Variants in NALF1 observed in about 807,000 individuals in gnomAD.
The protein encoded by NALF1 is family with sequence similarity 155 member A.
NALF1 carries 3 observed loss-of-function variants against 48.4 expected under a neutral mutation model. The ratio of observed to expected loss-of-function variants is 0.06; its 90% confidence interval spans 0.03 to 0.16. The LOEUF (loss-of-function observed/expected upper bound fraction) is 0.16. Among genes scored for constraint, NALF1 ranks in the 10% least tolerant of loss-of-function variants. The probability of loss-of-function intolerance (pLI) is 1.00; values close to 1 mark genes in which losing one functional copy is unlikely to be tolerated. For missense variants in NALF1, 526 were observed against 571.5 expected (o/e 0.92, Z 0.81); for synonymous variants, 262 against 245.7 (o/e 1.07, Z -0.62).
At chr13:107,661,021 C>T (rs183532881) in intron 1 of NALF1, among the ~76,000 whole-genome samples, 1 of 152,136 alleles carries the variant, frequency 6.6e-6, no homozygotes, top group Non-Finnish European at 1.5e-5. Flanking sequence ...GGGAAAAAAT[C>T]CGTAAGTTGA....
At chr13:107,734,867 C>G (rs1456853057) in intron 1 of NALF1, among the ~76,000 whole-genome samples, 2 of 152,176 alleles carry the variant, frequency 1.3e-5, no homozygotes, top group East Asian at 1.9e-4. Context: ...CAAATGAGTT[C>G]TCTTTTGCTC....
chr13:107,491,428 G>T (rs993799901), intron 1 of NALF1, among the ~76,000 whole-genome samples: 1 of 151,790 alleles, frequency 6.6e-6, no homozygotes, highest in Admixed American at 6.6e-5. Context: ...TAATTGCATG[G>T]TGTTTGGAGA....
At chr13:107,644,592 T>A (rs1310798185) in intron 1 of NALF1, among the ~76,000 whole-genome samples, 4 of 145,930 alleles carry the variant, frequency 2.7e-5, no homozygotes, top group African/African-American at 7.6e-5. Context: ...CAGAAAAAAA[T>A]ACCTTTAAAA....
chr13:107,637,892 G>C (rs1274088520), intron 1 of NALF1, among the ~76,000 whole-genome samples: 1 of 151,968 alleles, frequency 6.6e-6, no homozygotes, highest in African/African-American at 2.4e-5. Context: ...TTCCTTACTT[G>C]TCTAATGTTC....
At chr13:107,249,837 TA>T (rs1338624049) in intron 1 of NALF1, among the ~76,000 whole-genome samples, 1 of 152,168 alleles carries the variant, frequency 6.6e-6, no homozygotes, top group Non-Finnish European at 1.5e-5. Context: ...TTTTGATTTT[TA>T]TGTTGACTAT....
intron 1 of NALF1, among the ~76,000 whole-genome samples, chr13:107,269,049 C>A (rs368918008): frequency 6.6e-6 from 1 of 151,796 alleles, no homozygotes; most frequent in South Asian, 2.1e-4. Flanking sequence ...TGTGGTCCCA[C>A]GTCCTTGGGA....
At chr13:107,835,253 T>A (rs1879855577) in intron 1 of NALF1, 1 of 152,212 alleles carries the variant, frequency 6.6e-6, no homozygotes, top group Non-Finnish European at 1.5e-5. Context: ...TTTTCCTTTC[T>A]TTCCTTAGAT....
At chr13:107,700,861 T>C (rs757272177) in intron 1 of NALF1, among the ~76,000 whole-genome samples, 1 of 152,072 alleles carries the variant, frequency 6.6e-6, no homozygotes, top group Non-Finnish European at 1.5e-5. Flanking sequence ...AAAGGAAACA[T>C]AACAATGTCC....
At chr13:107,472,567 G>A (rs987302449) in intron 1 of NALF1, among the ~76,000 whole-genome samples, 2 of 152,110 alleles carry the variant, frequency 1.3e-5, no homozygotes, top group Admixed American at 6.5e-5. Flanking sequence ...ATAAAAGCAG[G>A]CAGAGGAACA....
chr13:107,226,013 CT>C (rs1462843164), intron 1 of NALF1, among the ~76,000 whole-genome samples: 5 of 151,986 alleles, frequency 3.3e-5, no homozygotes, highest in Non-Finnish European at 5.9e-5. Context: ...ACGTTTCTAA[CT>C]TTTTTTTAGA....
intron 1 of NALF1, among the ~76,000 whole-genome samples, chr13:107,503,023 C>G (rs757073771): frequency 1.3e-5 from 2 of 152,114 alleles, no homozygotes; most frequent in Non-Finnish European, 2.9e-5. Flanking sequence ...CCCACAGGCT[C>G]AATTCTACCA....
intron 1 of NALF1, among the ~76,000 whole-genome samples, chr13:107,637,357 T>C (rs1880007490): frequency 1.3e-5 from 2 of 152,118 alleles, no homozygotes; most frequent in Non-Finnish European, 2.9e-5. Context: ...ATTATATTTC[T>C]CCTATACTTA....
intron 1 of NALF1, among the ~76,000 whole-genome samples, chr13:107,432,209 A>T (rs1234337104): frequency 6.6e-6 from 1 of 152,078 alleles, no homozygotes; most frequent in Non-Finnish European, 1.5e-5. Flanking sequence ...AGTCTCTTAA[A>T]CAACCAGGTC....
At chr13:107,600,384 GA>G (rs1878888117) in intron 1 of NALF1, among the ~76,000 whole-genome samples, 2 of 152,240 alleles carry the variant, frequency 1.3e-5, no homozygotes, top group East Asian at 3.9e-4. Context: ...ATCCCACAAG[GA>G]AAGACGCCAA....
chr13:107,830,790 G>T (rs931133743), intron 1 of NALF1, among the ~76,000 whole-genome samples: 1 of 152,144 alleles, frequency 6.6e-6, no homozygotes, highest in Admixed American at 6.6e-5. Context: ...TGCCACTGAC[G>T]CATGTGTGTG....
At chr13:107,325,397 A>T (rs1450712351) in intron 1 of NALF1, among the ~76,000 whole-genome samples, 1 of 152,190 alleles carries the variant, frequency 6.6e-6, no homozygotes, top group Non-Finnish European at 1.5e-5. Flanking sequence ...GACATTTTAT[A>T]ACCCCTTTTT....
rs556203524 is a variant in NALF1, at chr13:107,250,421, T to A, written c.916-39666A>T. Among the ~76,000 whole-genome samples, 85 of 151,892 alleles carry A rather than the reference T, an allele frequency of 5.6e-4. 1 individual carries two copies. In the Middle Eastern group the frequency reaches 0.014, roughly 24 times the overall value. ...GTGACATGAATTATTAATTTTTTTTTTAAACAAAGGTATTAGAGAAGAGCC... is the reference window on the plus strand; with the variant it reads ...GTGACATGAATTATTAATTTTTTTTATAAACAAAGGTATTAGAGAAGAGCC... On this transcript the variant is annotated intron_variant, in intron 1 of 2. Transcript: ENST00000375915.
At chr13:107,648,952 A>G (rs766359282) in intron 1 of NALF1, among the ~76,000 whole-genome samples, 5 of 152,074 alleles carry the variant, frequency 3.3e-5, no homozygotes, top group Admixed American at 6.6e-5. Flanking sequence ...GTATCTTTTC[A>G]TCTGCTTATT....
intron 1 of NALF1, among the ~76,000 whole-genome samples, chr13:107,676,821 C>T (rs4772904): frequency 0.57 from 86,343 of 151,792 alleles, 25,586 homozygotes; most frequent in African/African-American, 0.74. Flanking sequence ...TGTAAGCCTA[C>T]AAAACTATTT....
Sources: gnomAD v4.1 joint callset for allele counts (sites outside exome capture counted in the v4.1 genomes callset) on GRCh38, gnomAD v4.1.1 for gene constraint, MANE v1.5 for transcripts, NCBI Gene and HGNC (gene_info 2026-07-23, HGNC 2026-07-21) for gene names.